Variants in DIAPH3 observed in about 807,000 individuals in gnomAD.
The protein encoded by DIAPH3 is protein diaphanous homolog 3.
Under a neutral mutation model 144.3 loss-of-function variants are expected in DIAPH3, and 117 were observed. The ratio of observed to expected loss-of-function variants is 0.81; its 90% CI spans 0.70 to 0.95. The LOEUF (loss-of-function observed/expected upper bound fraction) is 0.95. Ranked by LOEUF, DIAPH3 falls within the 40% of genes least tolerant of loss-of-function variation. DIAPH3 has a pLI of 0.00. For synonymous variants in DIAPH3, 519 were observed against 488.9 expected (o/e 1.06, Z -0.81); for missense variants, 1,421 against 1,412.7 (o/e 1.01, Z -0.09).
chr13:59,964,959 T>C (rs2049968834), intron 17 of DIAPH3, among the ~76,000 whole-genome samples: 1 of 152,194 alleles, frequency 6.6e-6, no homozygotes, highest in African/African-American at 2.4e-5. Context: ...TTTATTAGCA[T>C]GCATTACAAA....
intron 4 of DIAPH3, among the ~76,000 whole-genome samples, chr13:60,060,127 C>T (rs1435057549): frequency 6.6e-6 from 1 of 151,924 alleles, no homozygotes; most frequent in Non-Finnish European, 1.5e-5. Context: ...TATGTACAAG[C>T]TAGCCTATAA....
intron 27 of DIAPH3, among the ~76,000 whole-genome samples, chr13:59,703,459 T>C (rs2034229408): frequency 6.6e-6 from 1 of 152,252 alleles, no homozygotes; most frequent in Admixed American, 6.5e-5. Context: ...TTTTTTGCTC[T>C]CTGCTTCTGC....
chr13:59,905,957 G>A (rs2046713876), intron 20 of DIAPH3, among the ~76,000 whole-genome samples: 1 of 152,110 alleles, frequency 6.6e-6, no homozygotes, highest in Admixed American at 6.5e-5. Flanking sequence ...CCAAGTTTGT[G>A]GTAATTTGTT....
At chr13:59,836,302 G>A (rs932424694) in intron 23 of DIAPH3, among the ~76,000 whole-genome samples, 8 of 151,718 alleles carry the variant, frequency 5.3e-5, no homozygotes, top group Admixed American at 2.0e-4. Context: ...TTTTCTCACC[G>A]ATAAAAATTT....
intron 5 of DIAPH3, among the ~76,000 whole-genome samples, chr13:60,023,051 C>T (rs1031733872): frequency 6.6e-6 from 1 of 152,006 alleles, no homozygotes; most frequent in African/African-American, 2.4e-5. Context: ...GTAATTCAAG[C>T]CTCATTTTAA....
At chr13:59,905,242 C>T (rs1456829111) in intron 20 of DIAPH3, among the ~76,000 whole-genome samples, 1 of 145,540 alleles carries the variant, frequency 6.9e-6, no homozygotes, top group East Asian at 2.2e-4. Context: ...ACTCGGGAGG[C>T]TGAGGCAGGA....
At chr13:59,694,584 T>C (rs965877650) in intron 27 of DIAPH3, among the ~76,000 whole-genome samples, 2 of 152,146 alleles carry the variant, frequency 1.3e-5, no homozygotes, top group Non-Finnish European at 2.9e-5. Context: ...ATTGTTAAAA[T>C]AAACAATGCT....
chr13:59,749,462 G>A (rs930652227), intron 27 of DIAPH3, among the ~76,000 whole-genome samples: 4 of 142,866 alleles, frequency 2.8e-5, no homozygotes, highest in African/African-American at 1.0e-4. Context: ...GGAGCTTGCA[G>A]TGAGCCGAGA....
intron 17 of DIAPH3, among the ~76,000 whole-genome samples, chr13:59,966,528 C>T (rs995758811): frequency 4.6e-5 from 7 of 152,072 alleles, no homozygotes; most frequent in African/African-American, 1.7e-4. Flanking sequence ...TAGATATTAG[C>T]TCCTTTTCCA....
At chr13:60,152,966 A>C (rs1310140600) in intron 1 of DIAPH3, among the ~76,000 whole-genome samples, 2 of 152,172 alleles carry the variant, frequency 1.3e-5, no homozygotes, top group Non-Finnish European at 2.9e-5. Flanking sequence ...GGCCTTCCAC[A>C]AATTCTACTT....
intron 24 of DIAPH3, among the ~76,000 whole-genome samples, chr13:59,820,773 T>C (rs536863074): frequency 1.3e-5 from 2 of 150,158 alleles, no homozygotes; most frequent in East Asian, 3.9e-4. Flanking sequence ...TATTTAGTGT[T>C]ATAATAGTAT....
At chr13:60,029,855 CT>C (rs1012959444) in intron 5 of DIAPH3, among the ~76,000 whole-genome samples, 4 of 152,218 alleles carry the variant, frequency 2.6e-5, no homozygotes, top group South Asian at 4.2e-4. Context: ...CTTCAACAGA[CT>C]CCACTTCCAC....
At chr13:59,729,781 T>C (rs1479941791) in intron 27 of DIAPH3, among the ~76,000 whole-genome samples, 1 of 151,530 alleles carries the variant, frequency 6.6e-6, no homozygotes, top group African/African-American at 2.4e-5. Flanking sequence ...TTCTCTACTA[T>C]TTTTGTGACT....
intron 14 of DIAPH3, among the ~76,000 whole-genome samples, chr13:59,977,232 A>G (rs1472296906): frequency 2.6e-5 from 4 of 151,828 alleles, no homozygotes; most frequent in Non-Finnish European, 1.5e-5. Context: ...ATAAAGAGAG[A>G]GACAGAGAGA....
At chr13:59,910,471 T>TA (rs1395720504) in intron 20 of DIAPH3, among the ~76,000 whole-genome samples, 1 of 152,126 alleles carries the variant, frequency 6.6e-6, no homozygotes, top group African/African-American at 2.4e-5. Flanking sequence ...CTCACACCTG[T>TA]AATCCCAGAA....
chr13:59,945,026 T>C (rs747365333), intron 17 of DIAPH3, among the ~76,000 whole-genome samples: 6 of 152,146 alleles, frequency 3.9e-5, no homozygotes, highest in Non-Finnish European at 5.9e-5. Context: ...ATGCTTCCTT[T>C]GCCCCTACCA....
intron 21 of DIAPH3, among the ~76,000 whole-genome samples, chr13:59,869,624 ATC>A (rs2044135873): frequency 6.6e-6 from 1 of 152,184 alleles, no homozygotes; most frequent in African/African-American, 2.4e-5. Flanking sequence ...CGGAAAGGCC[ATC>A]TTTTGCATGA....
chr13:59,740,669 C>T (rs1220713680), intron 27 of DIAPH3, among the ~76,000 whole-genome samples: 1 of 152,096 alleles, frequency 6.6e-6, no homozygotes, highest in Non-Finnish European at 1.5e-5. Flanking sequence ...AAAATTTCAT[C>T]AAGTTGTATA....
intron 24 of DIAPH3, among the ~76,000 whole-genome samples, chr13:59,825,679 A>G (rs1403341542): frequency 3.9e-5 from 6 of 152,180 alleles, no homozygotes; most frequent in Non-Finnish European, 8.8e-5. Flanking sequence ...TTATTTCTCC[A>G]CATCCTCCCC....
Sources: gnomAD v4.1 joint callset for allele counts (sites outside exome capture counted in the v4.1 genomes callset) on GRCh38, gnomAD v4.1.1 for gene constraint, MANE v1.5 for transcripts, NCBI Gene and HGNC (gene_info 2026-07-23, HGNC 2026-07-21) for gene names.